DOK5: variants seen among roughly 807,000 people sequenced by gnomAD.
DOK5 encodes downstream of tyrosine kinase 5.
A neutral mutation model predicts 43.3 loss-of-function variants in DOK5; 27 were observed. That is an observed-to-expected ratio of 0.62 (90% confidence interval 0.46 to 0.86). The LOEUF is 0.86. Among genes scored for constraint, DOK5 ranks in the 40% least tolerant of loss-of-function variants. The pLI, the probability that DOK5 is intolerant of heterozygous loss-of-function variation, is 0.00. For synonymous variants in DOK5, 146 were observed against 140.1 expected (o/e 1.04, Z -0.30); for missense variants, 373 against 392.9 (o/e 0.95, Z 0.43).
chr20:54,568,237 T>C (rs1209649636), intron 2 of DOK5, among the ~76,000 whole-genome samples: 1 of 152,270 alleles, frequency 6.6e-6, no homozygotes, highest in Non-Finnish European at 1.5e-5. Context: ...ACTTTACTTA[T>C]GAAGTGAATT....
At chr20:54,553,289 G>T (rs149259399) in intron 1 of DOK5, among the ~76,000 whole-genome samples, 2 of 152,010 alleles carry the variant, frequency 1.3e-5, no homozygotes, top group Non-Finnish European at 1.5e-5. Context: ...TCCGCCTCCC[G>T]GGTTCACGCC....
intron 1 of DOK5, among the ~76,000 whole-genome samples, chr20:54,497,393 G>A (rs1312391776): frequency 6.6e-6 from 1 of 152,102 alleles, no homozygotes; most frequent in East Asian, 1.9e-4. Flanking sequence ...CTTTACTTTT[G>A]GAATATCTAG....
chr20:54,489,964 T>TA (rs1982102315), intron 1 of DOK5, among the ~76,000 whole-genome samples: 1 of 152,208 alleles, frequency 6.6e-6, no homozygotes, highest in African/African-American at 2.4e-5. Context: ...TTTGTCACAT[T>TA]AGGCCTGAGA....
chr20:54,485,748 G>A (rs1981907274), intron 1 of DOK5, among the ~76,000 whole-genome samples: 1 of 152,216 alleles, frequency 6.6e-6, no homozygotes, highest in Non-Finnish European at 1.5e-5. Flanking sequence ...TTTTCTCACA[G>A]TTGTACCATT....
intron 1 of DOK5, among the ~76,000 whole-genome samples, chr20:54,505,781 G>T (rs1982783309): frequency 6.6e-6 from 1 of 152,156 alleles, no homozygotes; most frequent in Non-Finnish European, 1.5e-5. Context: ...CCAGGCAGAA[G>T]GAACAGCCAG....
chr20:54,542,065 C>T (rs1049063107), intron 1 of DOK5, among the ~76,000 whole-genome samples: 20 of 151,282 alleles, frequency 1.3e-4, no homozygotes, highest in East Asian at 7.8e-4. Flanking sequence ...TATTTCCCTT[C>T]GTGGTGCATC....
chr20:54,642,059 C>G lies in DOK5; in HGVS notation c.736-1399C>G, dbSNP rs534498067. ...CATGATTGTGTCTAAGACCAGGGCT[C>G]AGATACGGGGGTGCCTGGAGGTCTG... On this transcript the variant is annotated intron_variant, in intron 6 of 7. Transcript: ENST00000262593. Among the ~76,000 whole-genome samples the G allele has an allele frequency of 3.9e-5, 6 of 152,294 alleles. No individual in the cohort carries two copies. The East Asian group carries it at 1.2e-3, about 29-fold the overall frequency.
chr20:54,478,067 C>T (rs1016362665), intron 1 of DOK5, among the ~76,000 whole-genome samples: 8 of 152,174 alleles, frequency 5.3e-5, no homozygotes, highest in Non-Finnish European at 1.0e-4. Context: ...TCTGTGTTCA[C>T]GTTCAGACTT....
At chr20:54,596,123 T>G (rs567319168) in intron 5 of DOK5, among the ~76,000 whole-genome samples, 1 of 152,352 alleles carries the variant, frequency 6.6e-6, no homozygotes, top group South Asian at 2.1e-4. Context: ...AGATAAATTT[T>G]TATACTTACC....
intron 6 of DOK5, among the ~76,000 whole-genome samples, chr20:54,642,434 T>G (rs962271458): frequency 1.3e-5 from 2 of 151,696 alleles, no homozygotes; most frequent in Non-Finnish European, 2.9e-5. Flanking sequence ...CTGGGTGTGG[T>G]GGCTGACACC....
At chr20:54,549,128 G>A (rs960074612) in intron 1 of DOK5, among the ~76,000 whole-genome samples, 2 of 152,138 alleles carry the variant, frequency 1.3e-5, no homozygotes, top group African/African-American at 2.4e-5. Flanking sequence ...ACACAGCGTC[G>A]TCTGAAAGTA....
chr20:54,500,528 T>G (rs2146677577), intron 1 of DOK5, among the ~76,000 whole-genome samples: 1 of 151,960 alleles, frequency 6.6e-6, no homozygotes, highest in Middle Eastern at 3.4e-3. Flanking sequence ...GTTACAAGGA[T>G]CACATATTTA....
At chr20:54,481,283 T>C (rs1600650007) in intron 1 of DOK5, among the ~76,000 whole-genome samples, 2 of 151,866 alleles carry the variant, frequency 1.3e-5, no homozygotes, top group Admixed American at 1.3e-4. Context: ...AATTCTCCTG[T>C]CTCAGCCTCC....
intron 2 of DOK5, among the ~76,000 whole-genome samples, chr20:54,557,237 A>G (rs1213773284): frequency 6.6e-6 from 1 of 152,190 alleles, no homozygotes; most frequent in Non-Finnish European, 1.5e-5. Context: ...CCTTTTTGGC[A>G]CCGGGACAGG....
chr20:54,599,904 A>T (rs1986255737), intron 5 of DOK5, among the ~76,000 whole-genome samples: 1 of 152,216 alleles, frequency 6.6e-6, no homozygotes, highest in South Asian at 2.1e-4. Flanking sequence ...CAGAAGAGAG[A>T]GATATAGACA....
At chr20:54,499,766 G>A (rs1229767068) in intron 1 of DOK5, among the ~76,000 whole-genome samples, 1 of 152,210 alleles carries the variant, frequency 6.6e-6, no homozygotes, top group Non-Finnish European at 1.5e-5. Flanking sequence ...CAGCATAATG[G>A]TTAAATCTGG....
At chr20:54,628,408 CAAAAAAAAAAAAAAAAAAAAA>C (rs56730310) in intron 6 of DOK5, among the ~76,000 whole-genome samples, 16 of 23,450 alleles carry the variant, frequency 6.8e-4, no homozygotes, top group East Asian at 6.7e-3. Context: ...GACTCCGTCT[CAAAAAAAAAAAAAAAAAAAAA>C]AAAAAAAAAA....
chr20:54,490,723 G>T (rs1030302501), intron 1 of DOK5, among the ~76,000 whole-genome samples: 4 of 152,174 alleles, frequency 2.6e-5, no homozygotes, highest in Admixed American at 2.6e-4. Flanking sequence ...GTAAGTAGCT[G>T]GGACTACAGG....
At position 54,540,836 on chromosome 20, in the gene DOK5, C is replaced by T. The variant is rs537521669; in HGVS notation, c.67-14097C>T. Reference sequence around the variant, plus strand: ...ACCGTGCCTGGCCCTAAGTACTTTACATGCACTGACATATTCAATCTCACA... The same window carrying T: ...ACCGTGCCTGGCCCTAAGTACTTTATATGCACTGACATATTCAATCTCACA... On this transcript the variant is annotated intron_variant, in intron 1 of 7. Coordinates refer to ENST00000262593, the MANE Select transcript of DOK5 (RefSeq NM_018431.5). 2.0e-5 allele frequency among the ~76,000 whole-genome samples: 3 copies of T among 152,138 alleles called. No homozygotes were observed. The East Asian group carries it at 5.8e-4, about 29-fold the overall frequency.
Sources: allele counts gnomAD v4.1 joint callset (sites outside exome capture counted in the v4.1 genomes callset), GRCh38; gene constraint gnomAD v4.1.1; transcripts MANE v1.5; gene names NCBI Gene and HGNC (gene_info 2026-07-23, HGNC 2026-07-21).